AFG2A: variants seen among roughly 807,000 people sequenced by gnomAD.
AFG2A encodes ATPase family gene 2 protein homolog A.
chr4:123,255,716 T>TTTTC, the AFG2A span, among the ~76,000 whole-genome samples: 1 of 40,782 alleles, frequency 2.5e-5, no homozygotes, highest in African/African-American at 6.2e-5. Context: ...ACTGCTTTTC[T>TTTTC]ATTTTTTTTT....
the AFG2A span, among the ~76,000 whole-genome samples, chr4:123,173,742 A>G: frequency 6.6e-6 from 1 of 152,192 alleles, no homozygotes; most frequent in East Asian, 1.9e-4. Context: ...ATTAATGGTG[A>G]AAATATGTAA....
the AFG2A span, among the ~76,000 whole-genome samples, chr4:123,199,377 ACAT>A: frequency 6.6e-6 from 1 of 152,022 alleles, no homozygotes; most frequent in Admixed American, 6.6e-5. Context: ...ATCATTGATA[ACAT>A]CATTGTTTTG....
chr4:122,927,436 T>C, the AFG2A span, among the ~76,000 whole-genome samples: 1 of 152,242 alleles, frequency 6.6e-6, no homozygotes, highest in Non-Finnish European at 1.5e-5. Flanking sequence ...ATACTTAATA[T>C]GTTGCCAGTA....
the AFG2A span, among the ~76,000 whole-genome samples, chr4:123,221,052 T>C: frequency 1.7e-3 from 259 of 152,328 alleles, 2 homozygotes; most frequent in Non-Finnish European, 4.0e-4. Flanking sequence ...CAGCTGCCTG[T>C]CTAGTTGGTA....
chr4:123,171,669 A>G, the AFG2A span, among the ~76,000 whole-genome samples: 2 of 152,290 alleles, frequency 1.3e-5, no homozygotes, highest in East Asian at 1.9e-4. Flanking sequence ...AAGAAACATT[A>G]TGTCTTGTTC....
the AFG2A span, chr4:123,057,066 C>CTAT: frequency 1.4e-6 from 1 of 693,854 alleles, no homozygotes; most frequent in South Asian, 2.0e-5. Context: ...TTCTGAACAT[C>CTAT]TATTACAAGG....
chr4:123,136,772 G>T, the AFG2A span, among the ~76,000 whole-genome samples: 1 of 151,432 alleles, frequency 6.6e-6, no homozygotes, highest in Non-Finnish European at 1.5e-5. Flanking sequence ...AACCCAGGAG[G>T]CAGAGGTTGC....
At chr4:123,289,281 A>G in the AFG2A span, among the ~76,000 whole-genome samples, 15 of 152,222 alleles carry the variant, frequency 9.9e-5, 1 homozygote, top group African/African-American at 3.6e-4. Context: ...TTGGTTTTCC[A>G]TTCCTGAGTT....
chr4:123,069,717 T>C, the AFG2A span, among the ~76,000 whole-genome samples: 3 of 152,194 alleles, frequency 2.0e-5, no homozygotes, highest in African/African-American at 7.2e-5. Context: ...TATAAACATA[T>C]TCTTATCTGG....
At chr4:123,196,143 G>A in the AFG2A span, among the ~76,000 whole-genome samples, 23 of 143,836 alleles carry the variant, frequency 1.6e-4, no homozygotes, top group Admixed American at 1.6e-3. Context: ...TGGGACTACA[G>A]GCGCCCACCA....
chr4:123,219,258 G>T, the AFG2A span, among the ~76,000 whole-genome samples: 1 of 152,204 alleles, frequency 6.6e-6, no homozygotes, highest in Non-Finnish European at 1.5e-5. Flanking sequence ...GGAGGCAAGC[G>T]TCTGACACAG....
chr4:123,095,042 A>AT, the AFG2A span, among the ~76,000 whole-genome samples: 1,585 of 114,110 alleles, frequency 0.014, 45 homozygotes, highest in Non-Finnish European at 0.022. Context: ...AAAAAAAAAA[A>AT]ATATATATAT....
At chr4:123,152,693 A>C in the AFG2A span, among the ~76,000 whole-genome samples, 1 of 152,246 alleles carries the variant, frequency 6.6e-6, no homozygotes, top group Non-Finnish European at 1.5e-5. Flanking sequence ...TTTGGAAGAC[A>C]GTTGGATAGT....
chr4:123,074,548 G>A, the AFG2A span, among the ~76,000 whole-genome samples: 1 of 150,008 alleles, frequency 6.7e-6, no homozygotes. Flanking sequence ...CTCCCATTAA[G>A]ACTATCTTTT....
chr4:123,087,376 G>C, the AFG2A span, among the ~76,000 whole-genome samples: 1 of 152,150 alleles, frequency 6.6e-6, no homozygotes, highest in Non-Finnish European at 1.5e-5. Flanking sequence ...AGGCTAGAGA[G>C]GGCTGAAGTT....
At chr4:123,276,433 T>C in the AFG2A span, among the ~76,000 whole-genome samples, 1 of 152,274 alleles carries the variant, frequency 6.6e-6, no homozygotes, top group Admixed American at 6.5e-5. Flanking sequence ...CTGTAGATAA[T>C]CTGTTTACTC....
chr4:122,947,109 A>ATAGGTAATGAAAGCGT, the AFG2A span: 1 of 844,494 alleles, frequency 1.2e-6, no homozygotes, highest in Non-Finnish European at 1.7e-6. Flanking sequence ...AAAGCGTAAG[A>ATAGGTAATGAAAGCGT]AATAGGACTT....
the AFG2A span, among the ~76,000 whole-genome samples, chr4:123,211,373 T>C: frequency 0.57 from 87,068 of 151,894 alleles, 27,387 homozygotes; most frequent in Non-Finnish European, 0.69. Flanking sequence ...GCCAGTTTTA[T>C]TGGTGAGGTA....
the AFG2A span, among the ~76,000 whole-genome samples, chr4:123,114,612 A>C: frequency 2.0e-5 from 3 of 152,336 alleles, no homozygotes; most frequent in South Asian, 6.2e-4. Flanking sequence ...GAGTCTGCTG[A>C]TGATGGGGGA....
Sources: gnomAD v4.1 joint callset for allele counts (sites outside exome capture counted in the v4.1 genomes callset) on GRCh38, gnomAD v4.1.1 for gene constraint, MANE v1.5 for transcripts, NCBI Gene and HGNC (gene_info 2026-07-23, HGNC 2026-07-21) for gene names.